MYO5B: variants seen among roughly 807,000 people sequenced by gnomAD.
The protein encoded by MYO5B is myosin VB.
In MYO5B, 143 loss-of-function variants were observed where a neutral mutation model predicts 229.3. The ratio of observed to expected loss-of-function variants is 0.62; its 90% CI spans 0.54 to 0.72. The LOEUF is 0.72. MYO5B is among the 30% of genes least tolerant of loss of function. The pLI is 0.00. For synonymous variants in MYO5B, 918 were observed against 885.2 expected (o/e 1.04, Z -0.66); for missense variants, 2,321 against 2,331.0 (o/e 1.00, Z 0.09).
At chr18:49,945,696 T>C (rs955199841) in intron 14 of MYO5B, among the ~76,000 whole-genome samples, 25 of 151,448 alleles carry the variant, frequency 1.7e-4, no homozygotes, top group African/African-American at 6.1e-4. Context: ...TGAACAGTGT[T>C]CAGGTGAACT....
At chr18:50,079,554 C>T (rs927225949) in intron 1 of MYO5B, among the ~76,000 whole-genome samples, 1 of 152,196 alleles carries the variant, frequency 6.6e-6, no homozygotes, top group African/African-American at 2.4e-5. Context: ...CCCTGGGATA[C>T]AGAAATCACA....
In MYO5B at chr18:50,097,044, A is replaced by T. The variant is rs147983580; in HGVS notation, c.28-41666T>A. ...ACACTGCAGCATGCATTGTCAGTCC[A>T]GTGAAATGACTTCATTTCCCAGGCA... is the stretch of plus-strand genomic sequence containing the variant. On this transcript the variant is annotated intron_variant, in intron 1 of 39. Transcript: ENST00000285039. Among the ~76,000 whole-genome samples, 741 of 152,322 alleles carry T rather than the reference A, an allele frequency of 4.9e-3. 8 individuals carry two copies. The highest frequency in any genetic ancestry group is 0.017 in the African/African-American group (705 of 41,574).
At chr18:50,185,401 A>C (rs2033134617) in intron 1 of MYO5B, among the ~76,000 whole-genome samples, 1 of 152,228 alleles carries the variant, frequency 6.6e-6, no homozygotes, top group Non-Finnish European at 1.5e-5. Context: ...GAAGACTATA[A>C]ATGTGCATGC....
At chr18:50,041,553 G>A (rs1430151083) in intron 2 of MYO5B, among the ~76,000 whole-genome samples, 1 of 151,962 alleles carries the variant, frequency 6.6e-6, no homozygotes, top group Non-Finnish European at 1.5e-5. Flanking sequence ...AAGGTTAAAA[G>A]GATCTTTTCA....
At chr18:49,906,250 T>C (rs1371018570) in intron 19 of MYO5B, among the ~76,000 whole-genome samples, 169 bp downstream of exon 19, 3 of 151,926 alleles carry the variant, frequency 2.0e-5, no homozygotes, top group African/African-American at 7.3e-5. Flanking sequence ...TGAGAAGGCA[T>C]TGATTATAGG....
At chr18:49,961,061 G>A (rs2025553848) in intron 12 of MYO5B, among the ~76,000 whole-genome samples, 1 of 152,216 alleles carries the variant, frequency 6.6e-6, no homozygotes, top group Non-Finnish European at 1.5e-5. Context: ...TGGGGAAAAG[G>A]AGCATGACCT....
At chr18:50,143,723 T>C (rs2032454361) in intron 1 of MYO5B, among the ~76,000 whole-genome samples, 2 of 152,192 alleles carry the variant, frequency 1.3e-5, no homozygotes, top group Non-Finnish European at 2.9e-5. Context: ...GCTATCTATA[T>C]AGACAGGATG....
At chr18:50,071,371 G>T (rs2030954495) in intron 1 of MYO5B, among the ~76,000 whole-genome samples, 1 of 152,182 alleles carries the variant, frequency 6.6e-6, no homozygotes. Flanking sequence ...CTCAAGGGTA[G>T]AGACAAAATG....
At chr18:50,165,909 C>T (rs1039865046) in intron 1 of MYO5B, among the ~76,000 whole-genome samples, 3 of 152,160 alleles carry the variant, frequency 2.0e-5, no homozygotes, top group Non-Finnish European at 4.4e-5. Flanking sequence ...CACTCAGTAT[C>T]AAGATTTGTG....
chr18:50,070,679 C>A (rs912148726), intron 1 of MYO5B, among the ~76,000 whole-genome samples: 1 of 152,066 alleles, frequency 6.6e-6, no homozygotes, highest in African/African-American at 2.4e-5. Context: ...GATACCATTC[C>A]CCTGCTTAAA....
chr18:50,188,096 C>T (rs1424282662), intron 1 of MYO5B, among the ~76,000 whole-genome samples: 1 of 152,172 alleles, frequency 6.6e-6, no homozygotes, highest in Admixed American at 6.5e-5. Context: ...AGAAACTGCA[C>T]TATTTTTGCA....
chr18:50,124,519 G>A (rs1028721441), intron 1 of MYO5B, among the ~76,000 whole-genome samples: 18 of 86,206 alleles, frequency 2.1e-4, no homozygotes, highest in African/African-American at 6.6e-4. Context: ...GTTTTCAAGT[G>A]AATGTTAAAA....
At chr18:50,055,905 T>G (rs934705557) in intron 1 of MYO5B, among the ~76,000 whole-genome samples, 2 of 152,158 alleles carry the variant, frequency 1.3e-5, no homozygotes, top group African/African-American at 4.8e-5. Context: ...GTCAGCCACT[T>G]GAATTTATCT....
chr18:49,869,918 C>G (rs11659336), intron 27 of MYO5B, among the ~76,000 whole-genome samples: 36,497 of 152,022 alleles, frequency 0.24, 4,522 homozygotes, highest in East Asian at 0.41. Context: ...CCTCTCATTA[C>G]TTCTAAAAGG....
chr18:49,914,913 C>G (rs2024996274), intron 17 of MYO5B, among the ~76,000 whole-genome samples: 1 of 152,158 alleles, frequency 6.6e-6, no homozygotes, highest in African/African-American at 2.4e-5. Flanking sequence ...TCTTAGAGCT[C>G]CAGATCTTCC....
At chr18:49,916,397 G>A (rs1217616) in intron 17 of MYO5B, among the ~76,000 whole-genome samples, 1 of 152,092 alleles carries the variant, frequency 6.6e-6, no homozygotes, top group African/African-American at 2.4e-5. Flanking sequence ...CCTGGATGCC[G>A]CCCCTCCGCT....
chr18:50,111,509 A>T (rs2031864882), intron 1 of MYO5B, among the ~76,000 whole-genome samples: 1 of 152,192 alleles, frequency 6.6e-6, no homozygotes, highest in African/African-American at 2.4e-5. Context: ...TGTATCTCTC[A>T]TTCAAATACA....
chr18:50,076,249 C>T (rs895010374), intron 1 of MYO5B, among the ~76,000 whole-genome samples: 1 of 152,150 alleles, frequency 6.6e-6, no homozygotes, highest in Non-Finnish European at 1.5e-5. Context: ...AGATCCTTCC[C>T]CTGGCTGCAG....
intron 1 of MYO5B, among the ~76,000 whole-genome samples, chr18:50,192,587 C>T (rs530325720): frequency 7.2e-5 from 11 of 152,288 alleles, no homozygotes; most frequent in Middle Eastern, 3.4e-3. Context: ...GAAACTTCAC[C>T]AGAAAGTCCT....
Sources: gnomAD v4.1 joint callset for allele counts (sites outside exome capture counted in the v4.1 genomes callset) on GRCh38, gnomAD v4.1.1 for gene constraint, MANE v1.5 for transcripts, NCBI Gene and HGNC (gene_info 2026-07-23, HGNC 2026-07-21) for gene names.